Variants in NFATC1 observed in about 807,000 individuals in gnomAD.
The protein encoded by NFATC1 is nuclear factor of activated T cells 1.
NFATC1 carries 22 observed loss-of-function variants against 76.0 expected under a neutral mutation model. That is an observed-to-expected ratio of 0.29 (90% CI 0.21 to 0.41). NFATC1 has a LOEUF of 0.41. Ranked by LOEUF, NFATC1 falls within the 10% of genes least tolerant of loss-of-function variation. NFATC1 has a pLI of 1.00. For missense variants in NFATC1, 1,357 were observed against 1,337.7 expected (o/e 1.01, Z -0.23); for synonymous variants, 704 against 613.1 (o/e 1.15, Z -2.19).
intron 1 of NFATC1, among the ~76,000 whole-genome samples, chr18:79,402,684 G>A (rs569710859): frequency 1.3e-5 from 2 of 152,350 alleles, no homozygotes; most frequent in East Asian, 1.9e-4. Flanking sequence ...TCAAGAAGTT[G>A]CTAGGAAGGG....
rs552362045 is a variant in NFATC1, at chr18:79,414,311, A to C, written c.1226+2810A>C. Among the ~76,000 whole-genome samples, 11 of 152,290 alleles carry C rather than the reference A, an allele frequency of 7.2e-5. No individual in the cohort carries two copies. In the South Asian group the frequency reaches 2.1e-3, roughly 29 times the overall value. ...CTCCAAAGTTTGGGATGGAGAATGCACGACATGCCCATCTTCTCCCCACCG... is the reference window on the plus strand; with the variant it reads ...CTCCAAAGTTTGGGATGGAGAATGCCCGACATGCCCATCTTCTCCCCACCG... On this transcript the variant is annotated intron_variant, in intron 2 of 9. Transcript: ENST00000427363.
At chr18:79,425,903 A>G (rs762052332) in intron 2 of NFATC1, among the ~76,000 whole-genome samples, 1 of 152,208 alleles carries the variant, frequency 6.6e-6, no homozygotes, top group African/African-American at 2.4e-5. Context: ...ACTTTTAAAC[A>G]CAGATAAACC....
At chr18:79,449,602 C>T (rs2087371053) in intron 4 of NFATC1, among the ~76,000 whole-genome samples, 1 of 152,200 alleles carries the variant, frequency 6.6e-6, no homozygotes, top group Non-Finnish European at 1.5e-5. Context: ...AAAACAGACA[C>T]ATCTGTGGGT....
chr18:79,496,873 T>C (rs1440478463), intron 9 of NFATC1: 2 of 152,100 alleles, frequency 1.3e-5, no homozygotes, highest in South Asian at 2.1e-4. Flanking sequence ...CACCCCCCTT[T>C]CCCGGGGGGA....
At chr18:79,514,772 A>T (rs1288387595) in intron 9 of NFATC1, among the ~76,000 whole-genome samples, 1 of 151,992 alleles carries the variant, frequency 6.6e-6, no homozygotes, top group African/African-American at 2.4e-5. Context: ...GGGGCTGGGT[A>T]CAGTGGCTCA....
chr18:79,504,720 T>A (rs8095534), intron 9 of NFATC1, among the ~76,000 whole-genome samples: 9,707 of 152,234 alleles, frequency 0.064, 414 homozygotes, highest in Admixed American at 0.097. Flanking sequence ...GAAGTGAGGC[T>A]TGCCTGCAAG....
At chr18:79,455,564 C>G (rs73007702) in intron 6 of NFATC1, among the ~76,000 whole-genome samples, 3,125 of 152,308 alleles carry the variant, frequency 0.021, 52 homozygotes, top group Non-Finnish European at 0.036. Context: ...GGGCCCTGCC[C>G]TGGTTCGCAG....
intron 9 of NFATC1, among the ~76,000 whole-genome samples, chr18:79,519,716 G>A (rs1382781029): frequency 2.0e-5 from 3 of 152,116 alleles, no homozygotes; most frequent in Non-Finnish European, 2.9e-5. Context: ...TTTTCCTCCC[G>A]GGGCTTGCAT....
At chr18:79,420,471 C>A (rs958065187) in intron 2 of NFATC1, among the ~76,000 whole-genome samples, 1 of 146,902 alleles carries the variant, frequency 6.8e-6, no homozygotes, top group Non-Finnish European at 1.5e-5. Flanking sequence ...GAGGGGGACG[C>A]CTTTCCAGGT....
chr18:79,507,598 G>A (rs915501953), intron 9 of NFATC1, among the ~76,000 whole-genome samples: 1 of 152,244 alleles, frequency 6.6e-6, no homozygotes, highest in African/African-American at 2.4e-5. Context: ...CCCTGGCAGT[G>A]TCTCAGCAGG....
chr18:79,497,383 G>C (rs2089916054), intron 9 of NFATC1: 1 of 152,124 alleles, frequency 6.6e-6, no homozygotes, highest in African/African-American at 2.4e-5. Flanking sequence ...CAGCCCCGAG[G>C]CGCACAGCCG....
At chr18:79,467,261 C>G (rs936824680) in intron 7 of NFATC1, among the ~76,000 whole-genome samples, 189 bp from the exon 8 acceptor site, 3 of 150,924 alleles carry the variant, frequency 2.0e-5, no homozygotes, top group Non-Finnish European at 2.9e-5. Flanking sequence ...CAGGTGGCTG[C>G]TTGGGAGTTT....
intron 1 of NFATC1, among the ~76,000 whole-genome samples, chr18:79,397,861 C>T (rs567581201): frequency 3.3e-5 from 5 of 152,228 alleles, no homozygotes; most frequent in East Asian, 1.9e-4. Flanking sequence ...AAAATAAGCT[C>T]GAAAAGGTCC....
chr18:79,438,710 C>T (rs796606342), intron 3 of NFATC1, among the ~76,000 whole-genome samples: 15 of 152,144 alleles, frequency 9.9e-5, no homozygotes, highest in African/African-American at 2.6e-4. Context: ...CTCAGCCGCG[C>T]GGGTGAGAGG....
intron 8 of NFATC1, among the ~76,000 whole-genome samples, chr18:79,474,875 C>T (rs1286990577): frequency 6.9e-6 from 1 of 145,084 alleles, no homozygotes; most frequent in Non-Finnish European, 1.5e-5. Context: ...CGTGTTCTCA[C>T]GCTCACTGTC....
intron 2 of NFATC1, among the ~76,000 whole-genome samples, chr18:79,419,576 C>T (rs936611393): frequency 3.9e-5 from 6 of 152,094 alleles, no homozygotes; most frequent in Admixed American, 6.5e-5. Flanking sequence ...TCAGAACCTG[C>T]CTGGTTAGCT....
chr18:79,425,121 GTC>G (rs1193120080), intron 2 of NFATC1, among the ~76,000 whole-genome samples: 8 of 139,690 alleles, frequency 5.7e-5, no homozygotes, highest in South Asian at 2.3e-4. Context: ...CTGTCGCTCT[GTC>G]TCTCTCTGTC....
intron 2 of NFATC1, among the ~76,000 whole-genome samples, chr18:79,425,868 T>A (rs1184360209): frequency 6.6e-6 from 1 of 152,162 alleles, no homozygotes; most frequent in African/African-American, 2.4e-5. Flanking sequence ...GTTGTACAAA[T>A]AACAAACACC....
At chr18:79,480,767 C>G (rs2089244776) in intron 8 of NFATC1, among the ~76,000 whole-genome samples, 1 of 152,190 alleles carries the variant, frequency 6.6e-6, no homozygotes, top group African/African-American at 2.4e-5. Context: ...TGCACGGGGC[C>G]TCTAGTGTCC....
Sources: gnomAD v4.1 joint callset for allele counts (sites outside exome capture counted in the v4.1 genomes callset) on GRCh38, gnomAD v4.1.1 for gene constraint, MANE v1.5 for transcripts, NCBI Gene and HGNC (gene_info 2026-07-23, HGNC 2026-07-21) for gene names.